Variants in COL19A1 observed in about 807,000 individuals in gnomAD.
COL19A1 encodes collagen alpha-1(XIX) chain.
COL19A1 carries 159 observed loss-of-function variants against 190.2 expected under a neutral mutation model. The observed-to-expected ratio is 0.84, with a 90% confidence interval of 0.73 to 0.95. COL19A1 has a LOEUF of 0.95. Among genes scored for constraint, COL19A1 ranks in the 40% least tolerant of loss-of-function variants. COL19A1 has a pLI of 0.00. For missense variants in COL19A1, 1,418 were observed against 1,431.9 expected (o/e 0.99, Z 0.16); for synonymous variants, 509 against 458.9 (o/e 1.11, Z -1.39).
chr6:69,978,113 T>G (rs983614475), intron 11 of COL19A1, among the ~76,000 whole-genome samples: 1 of 138,874 alleles, frequency 7.2e-6, no homozygotes, highest in Non-Finnish European at 1.7e-5. Context: ...TATCATTCCC[T>G]CCTGATTCCT....
intron 14 of COL19A1, among the ~76,000 whole-genome samples, chr6:70,040,571 A>C (rs1779588019): frequency 6.6e-6 from 1 of 152,196 alleles, no homozygotes; most frequent in Admixed American, 6.5e-5. Context: ...TTATTTCAGG[A>C]AATGGGACCC....
At chr6:70,102,595 C>T (rs1263676502) in intron 16 of COL19A1, among the ~76,000 whole-genome samples, 1 of 152,142 alleles carries the variant, frequency 6.6e-6, no homozygotes, top group Admixed American at 6.5e-5. Flanking sequence ...GAAAATCAGA[C>T]ATCTGGGGAA....
At chr6:70,191,512 A>T (rs1031723814) in intron 48 of COL19A1, among the ~76,000 whole-genome samples, 1 of 152,204 alleles carries the variant, frequency 6.6e-6, no homozygotes, top group Non-Finnish European at 1.5e-5. Flanking sequence ...TGACTAAAAA[A>T]GCCAAGAGTC....
intron 14 of COL19A1, among the ~76,000 whole-genome samples, chr6:70,066,894 T>C: frequency 6.6e-6 from 1 of 152,140 alleles, no homozygotes; most frequent in East Asian, 1.9e-4. Context: ...GATGGGTGAA[T>C]TATAAATATT....
intron 11 of COL19A1, among the ~76,000 whole-genome samples, chr6:70,006,980 T>C (rs1021173994): frequency 1.3e-5 from 2 of 152,010 alleles, no homozygotes; most frequent in Non-Finnish European, 2.9e-5. Flanking sequence ...GCTAAAAATA[T>C]TTGTTGAACA....
chr6:69,934,732 A>G (rs1772992933), intron 7 of COL19A1, among the ~76,000 whole-genome samples: 1 of 151,908 alleles, frequency 6.6e-6, no homozygotes, highest in Non-Finnish European at 1.5e-5. Context: ...GAAAGACTGT[A>G]TTTTTGCTGA....
intron 14 of COL19A1, among the ~76,000 whole-genome samples, chr6:70,043,717 C>T (rs1032662659): frequency 2.6e-5 from 4 of 152,144 alleles, no homozygotes; most frequent in African/African-American, 7.2e-5. Context: ...CTTCAGTAAA[C>T]CATGCTATAA....
chr6:69,984,149 C>T (rs1212602152), intron 11 of COL19A1, among the ~76,000 whole-genome samples: 1 of 151,886 alleles, frequency 6.6e-6, no homozygotes, highest in African/African-American at 2.4e-5. Flanking sequence ...GTTTATGTTT[C>T]TCCTGAAAAT....
At chr6:69,887,619 T>C (rs964346917) in intron 2 of COL19A1, among the ~76,000 whole-genome samples, 2 of 152,226 alleles carry the variant, frequency 1.3e-5, no homozygotes, top group African/African-American at 2.4e-5. Flanking sequence ...CTCTAGAATT[T>C]CGTATAAATG....
chr6:69,915,466 C>T (rs1296144570), intron 4 of COL19A1, among the ~76,000 whole-genome samples: 1 of 152,168 alleles, frequency 6.6e-6, no homozygotes, highest in Admixed American at 6.5e-5. Flanking sequence ...TTATTGGCTT[C>T]TCATTAATTG....
intron 11 of COL19A1, among the ~76,000 whole-genome samples, chr6:70,021,747 G>C (rs1366405042): frequency 6.6e-6 from 1 of 152,162 alleles, no homozygotes; most frequent in Non-Finnish European, 1.5e-5. Context: ...TTGAGCACTT[G>C]AAATGTAGCT....
At position 69,938,034 on chromosome 6, in the gene COL19A1, T is replaced by C; in HGVS notation, c.874-4T>C. The C allele has an allele frequency of 1.2e-6, 2 of 1,612,416 alleles. No individual in the cohort carries two copies. The highest frequency in any genetic ancestry group is 8.5e-7 in the Non-Finnish European group (1 of 1,179,020). On this transcript the variant is annotated splice_region_variant and splice_polypyrimidine_tract_variant and intron_variant, in intron 8 of 50. Coordinates refer to ENST00000620364, the MANE Select transcript of COL19A1 (RefSeq NM_001858.6). The stretch of plus-strand genomic sequence containing the variant: ...TGCTAACACAGATATGCATTTTTGC[T>C]CAGGGAGAAGCAGGATTACCAGGAG...
At chr6:70,127,442 C>T (rs763539506) in intron 17 of COL19A1, among the ~76,000 whole-genome samples, 16 of 152,056 alleles carry the variant, frequency 1.1e-4, no homozygotes, top group Admixed American at 5.2e-4. Flanking sequence ...TGGGTATAGG[C>T]AGGTTGACTC....
intron 7 of COL19A1, 94 bp downstream of exon 7, chr6:69,932,957 T>G (rs555214904): frequency 1.6e-4 from 115 of 726,048 alleles, no homozygotes; most frequent in Non-Finnish European, 2.5e-4. Flanking sequence ...TAGCACTGAG[T>G]GTGTTCTGTT....
At chr6:69,869,700 G>T (rs1767708767) in intron 1 of COL19A1, among the ~76,000 whole-genome samples, 2 of 152,228 alleles carry the variant, frequency 1.3e-5, no homozygotes, top group Admixed American at 1.3e-4. Flanking sequence ...TAGGTCAGTT[G>T]TGATGGTTGA....
chr6:70,081,497 G>GA (rs879326332), intron 15 of COL19A1, among the ~76,000 whole-genome samples: 20 of 149,264 alleles, frequency 1.3e-4, no homozygotes, highest in East Asian at 7.8e-4. Flanking sequence ...TTTTGAAAAT[G>GA]AAAAAAAAAC....
chr6:69,957,089 C>G lies in COL19A1; in HGVS notation c.937-2907C>G, dbSNP rs533930611. On this transcript the variant is annotated intron_variant, in intron 9 of 50. Coordinates refer to ENST00000620364, the MANE Select transcript of COL19A1 (RefSeq NM_001858.6). ...TTTATACTGGGTTTGCAAACTATAG[C>G]CCTAGGGAATGTGATTTTTTTTATC... Among the ~76,000 whole-genome samples the G allele has an allele frequency of 6.0e-3, 909 of 152,056 alleles. 5 individuals are homozygous for G. Among genetic ancestry groups the G allele is most frequent in the Non-Finnish European group, 9.6e-3 (655 of 67,966 alleles).
chr6:69,969,333 G>A (rs1030758816), intron 11 of COL19A1, among the ~76,000 whole-genome samples: 4 of 152,050 alleles, frequency 2.6e-5, no homozygotes, highest in East Asian at 1.9e-4. Flanking sequence ...ACCCCAAAAC[G>A]TAGTGACTTA....
At chr6:70,193,126 G>C (rs932171524) in intron 48 of COL19A1, among the ~76,000 whole-genome samples, 3 of 151,300 alleles carry the variant, frequency 2.0e-5, no homozygotes, top group Non-Finnish European at 4.4e-5. Flanking sequence ...GACATGTTGA[G>C]ATATAGAAGG....
Sources: allele counts gnomAD v4.1 joint callset (sites outside exome capture counted in the v4.1 genomes callset), GRCh38; gene constraint gnomAD v4.1.1; transcripts MANE v1.5; gene names NCBI Gene and HGNC (gene_info 2026-07-23, HGNC 2026-07-21).